CNOT1: variants seen among roughly 807,000 people sequenced by gnomAD.
CNOT1 encodes CCR4-NOT transcription complex subunit 1, also known as CCR4-associated factor 1.
A neutral mutation model predicts 273.8 loss-of-function variants in CNOT1; 15 were observed. That is an observed-to-expected ratio of 0.05 (90% CI 0.04 to 0.08). The LOEUF (loss-of-function observed/expected upper bound fraction) is 0.08. CNOT1 is among the 10% of genes least tolerant of loss of function. The probability of loss-of-function intolerance (pLI) is 1.00; values close to 1 mark genes in which losing one functional copy is unlikely to be tolerated. For missense variants in CNOT1, 1,644 were observed against 2,912.2 expected (o/e 0.56, Z 10.02); for synonymous variants, 1,022 against 1,005.5 (o/e 1.02, Z -0.31).
chr16:58,540,099 T>C (rs1301390455), intron 34 of CNOT1, 140 bp from the exon 35 acceptor site: 2 of 805,978 alleles, frequency 2.5e-6, no homozygotes, highest in South Asian at 2.0e-5. Flanking sequence ...GGCCTCTTCT[T>C]TTCCTTCTTC....
At chr16:58,620,019 G>C (rs746535181) in intron 1 of CNOT1, among the ~76,000 whole-genome samples, 42 of 152,032 alleles carry the variant, frequency 2.8e-4, no homozygotes, top group Admixed American at 1.7e-3. Flanking sequence ...CTTTTCCTCT[G>C]AAATGTTACT....
chr16:58,576,643 C>G, intron 13 of CNOT1, 61 bp from the exon 14 acceptor site: 1 of 1,601,228 alleles, frequency 6.2e-7, no homozygotes, highest in South Asian at 1.1e-5. Flanking sequence ...GATATTATTA[C>G]AAATGCCCAG....
chr16:58,614,201 T>C (rs2043002220), intron 1 of CNOT1, among the ~76,000 whole-genome samples: 1 of 123,636 alleles, frequency 8.1e-6, no homozygotes, highest in Non-Finnish European at 1.9e-5. Context: ...ATGGAAGCCA[T>C]TCACCTCACT....
chr16:58,529,464 C>G (rs894737291), intron 43 of CNOT1, among the ~76,000 whole-genome samples: 22 of 152,038 alleles, frequency 1.4e-4, no homozygotes, highest in African/African-American at 5.1e-4. Flanking sequence ...AAAATACAAA[C>G]AAGAGCCAAA....
At chr16:58,580,522 A>G in intron 12 of CNOT1, 111 bp downstream of exon 12, 3 of 1,425,502 alleles carry the variant, frequency 2.1e-6, no homozygotes, top group Non-Finnish European at 2.8e-6. Context: ...AAGGTCACTA[A>G]AACTACTGCT....
intron 1 of CNOT1, among the ~76,000 whole-genome samples, chr16:58,620,661 A>T (rs1050071904): frequency 2.2e-5 from 2 of 89,016 alleles, no homozygotes; most frequent in East Asian, 8.4e-4. Context: ...TTTAAAAAAA[A>T]AAAAAAAAAA....
At chr16:58,618,159 T>C (rs74522003) in intron 1 of CNOT1, among the ~76,000 whole-genome samples, 9,828 of 151,992 alleles carry the variant, frequency 0.065, 452 homozygotes, top group Non-Finnish European at 0.093. Flanking sequence ...TTGTGGTGGA[T>C]TGTGTACTTG....
intron 1 of CNOT1, among the ~76,000 whole-genome samples, chr16:58,624,278 G>A (rs1384035497): frequency 2.6e-5 from 4 of 152,130 alleles, no homozygotes; most frequent in East Asian, 1.9e-4. Context: ...TGCTTGATGC[G>A]CAGGGGAAAA....
At chr16:58,568,730 G>A (rs1484404642) in intron 16 of CNOT1, among the ~76,000 whole-genome samples, 1 of 152,100 alleles carries the variant, frequency 6.6e-6, no homozygotes, top group East Asian at 1.9e-4. Context: ...TAAAGACTAA[G>A]GTGGCTGTGA....
At chr16:58,528,941 TAAA>T (rs34692465) in intron 43 of CNOT1, among the ~76,000 whole-genome samples, 1 of 137,160 alleles carries the variant, frequency 7.3e-6, no homozygotes, top group Admixed American at 7.1e-5. Context: ...CTTCAGAAGC[TAAA>T]AAAAAAAAAG....
chr16:58,551,638 G>T lies in CNOT1; in HGVS notation c.3152C>A (p.Thr1051Lys). 1 of 1,614,184 alleles carries T rather than the reference G, an allele frequency of 6.2e-7. No individual in the cohort carries two copies. The highest frequency in any genetic ancestry group is 8.5e-7 in the Non-Finnish European group (1 of 1,180,024). ...TTSTTTTVAK[T>K]VTVTRPTGVS... is the part of the protein sequence containing the mutation. Reference sequence around the variant, plus strand: ...TCCAGTTGGCCTGGTGACCGTAACCGTTTTAGCAACAGTGGTAGTTGTTGA... The same window carrying T: ...TCCAGTTGGCCTGGTGACCGTAACCTTTTTAGCAACAGTGGTAGTTGTTGA... Residue 1051 changes from threonine to lysine, a missense_variant, in exon 23 of 49, where the codon ACG becomes AAG. Coordinates refer to ENST00000317147, the MANE Select transcript of CNOT1 (RefSeq NM_016284.5).
chr16:58,591,762 A>C (rs2042064271), intron 2 of CNOT1, among the ~76,000 whole-genome samples: 1 of 152,064 alleles, frequency 6.6e-6, no homozygotes, highest in South Asian at 2.1e-4. Flanking sequence ...CTCGAAAAAA[A>C]AAAAAAAGTT....
At chr16:58,537,814 G>A (rs2039970529) in intron 38 of CNOT1, 77 bp downstream of exon 38, 9 of 1,565,142 alleles carry the variant, frequency 5.8e-6, no homozygotes, top group African/African-American at 2.7e-5. Flanking sequence ...AGTAATGTTA[G>A]TAAGTCTGCA....
At chr16:58,623,842 T>C (rs986600465) in intron 1 of CNOT1, among the ~76,000 whole-genome samples, 1 of 151,866 alleles carries the variant, frequency 6.6e-6, no homozygotes, top group Non-Finnish European at 1.5e-5. Context: ...TATAAAAAAT[T>C]AGCCAGGTGT....
At chr16:58,595,674 A>G (rs2042227158) in intron 2 of CNOT1, among the ~76,000 whole-genome samples, 1 of 152,096 alleles carries the variant, frequency 6.6e-6, no homozygotes, top group Non-Finnish European at 1.5e-5. Context: ...CATGGAAGGG[A>G]AATGAGGACT....
intron 1 of CNOT1, among the ~76,000 whole-genome samples, chr16:58,601,872 T>TA (rs10713432): frequency 1.5e-4 from 22 of 144,348 alleles, no homozygotes; most frequent in East Asian, 6.1e-4. Context: ...CCCTGTCTAT[T>TA]AAAAAAAAAA....
At position 58,621,028 on chromosome 16, in the gene CNOT1, T is replaced by C. The variant is rs66886681; in HGVS notation, c.-175+8700A>G. Among the ~76,000 whole-genome samples the C allele has an allele frequency of 2.9e-3, 412 of 141,852 alleles. 2 individuals are homozygous for C. Among genetic ancestry groups the C allele is most frequent in the African/African-American group, 0.01 (386 of 37,944 alleles). 93.1% of individuals were successfully genotyped at this position (141,852 alleles called of 152,430 possible). ...AGACAAAAAGATAACTTTTTTTTTT[T>C]CTTTTTTTTGAGACAGAGTCTGTCA... On this transcript the variant is annotated intron_variant, in intron 1 of 48. Coordinates refer to ENST00000317147, the MANE Select transcript of CNOT1 (RefSeq NM_016284.5).
At position 58,520,145 on chromosome 16, in the gene CNOT1, A is replaced by G. The variant is rs1465664028; in HGVS notation, c.*813T>C. 1.3e-5 allele frequency: 2 copies of G among 152,268 alleles called. No homozygotes were observed. The highest frequency in any genetic ancestry group is 2.9e-5 in the Non-Finnish European group (2 of 68,022). 9.4% of individuals were successfully genotyped at this position (152,268 alleles called of 1,614,324 possible). A position where few individuals can be genotyped will look rare whatever the true frequency, so the allele number is the denominator to read the frequency against. On this transcript the variant is annotated 3_prime_UTR_variant, in exon 49 of 49. Coordinates refer to ENST00000317147, the MANE Select transcript of CNOT1 (RefSeq NM_016284.5). The stretch of plus-strand genomic sequence containing the variant: ...TTCAGCTTAGCCTGTATGGCCATTC[A>G]TTCAGTGGGGTAATGGGGGAGAACA...
chr16:58,532,106 C>T (rs1375610949), intron 41 of CNOT1, 31 bp from the exon 42 acceptor site: 4 of 1,613,396 alleles, frequency 2.5e-6, no homozygotes, highest in Non-Finnish European at 2.5e-6. Flanking sequence ...GTCAGAAGCA[C>T]AGTCCAACTT....
Sources: allele counts gnomAD v4.1 joint callset (sites outside exome capture counted in the v4.1 genomes callset), GRCh38; gene constraint gnomAD v4.1.1; transcripts MANE v1.5; gene names NCBI Gene and HGNC (gene_info 2026-07-23, HGNC 2026-07-21).